The following CHN2 variants were observed in gnomAD, a reference collection of about 807,000 sequenced individuals.
CHN2 encodes the protein beta-chimaerin.
A neutral mutation model predicts 56.3 loss-of-function variants in CHN2; 35 were observed. The ratio of observed to expected loss-of-function variants is 0.62; its 90% confidence interval spans 0.47 to 0.82. The LOEUF is 0.82. Ranked by LOEUF, CHN2 falls within the 40% of genes least tolerant of loss-of-function variation. The pLI is 0.00. For synonymous variants in CHN2, 210 were observed against 212.8 expected, an observed-to-expected ratio of 0.99 and a Z score of 0.12; for missense variants, 491 against 580.5, an observed-to-expected ratio of 0.85 and a Z score of 1.58.
chr7:29,513,666 A>C lies in CHN2; in HGVS notation c.*931A>C, dbSNP rs111446136. On this transcript the variant is annotated 3_prime_UTR_variant, in exon 13 of 13. Transcript: ENST00000222792. ...CCCTCTGAATTCATCTGTTAATATC[A>C]AATTGTATTTTTGCCACATTTCTGT... 444 of 152,510 alleles carry C rather than the reference A, an allele frequency of 2.9e-3. 6 individuals carry two copies. Among genetic ancestry groups the C allele is most frequent in the African/African-American group, 0.01 (428 of 41,550 alleles). 9.4% of individuals were successfully genotyped at this position (152,510 alleles called of 1,614,324 possible). A position where few individuals can be genotyped will look rare whatever the true frequency, so the allele number is the denominator to read the frequency against.
At chr7:29,400,968 G>T in intron 6 of CHN2, 140 bp downstream of exon 6, 1 of 824,382 alleles carries the variant, frequency 1.2e-6, no homozygotes, top group East Asian at 2.7e-5. Context: ...AGGGCCAAAG[G>T]GACCTTAGAA....
At chr7:29,401,750 G>A (rs144933395) in intron 6 of CHN2, among the ~76,000 whole-genome samples, 7 of 152,308 alleles carry the variant, frequency 4.6e-5, no homozygotes, top group South Asian at 4.1e-4. Flanking sequence ...GTATGCAGGC[G>A]GGGGGTAGAT....
chr7:29,169,752 G>T (rs1189863193), intron 2 of CHN2, among the ~76,000 whole-genome samples: 3 of 151,934 alleles, frequency 2.0e-5, no homozygotes, highest in African/African-American at 7.3e-5. Context: ...ACCACTGTTT[G>T]CTCAGTCAGA....
intron 1 of CHN2, chr7:29,289,043 T>C (rs567218433): frequency 2.6e-5 from 4 of 152,292 alleles, no homozygotes; most frequent in Non-Finnish European, 4.4e-5. Flanking sequence ...ATCTGAGGCA[T>C]TGAATGAGGA....
chr7:29,221,653 C>T (rs1241903250), intron 1 of CHN2, among the ~76,000 whole-genome samples: 6 of 152,148 alleles, frequency 3.9e-5, no homozygotes, highest in Non-Finnish European at 7.4e-5. Flanking sequence ...TGTTGTTCCC[C>T]ACATATGGCA....
intron 1 of CHN2, among the ~76,000 whole-genome samples, chr7:29,323,435 G>T (rs185431468): frequency 1.3e-5 from 2 of 152,098 alleles, no homozygotes; most frequent in Non-Finnish European, 2.9e-5. Flanking sequence ...TGCTACCACA[G>T]CCTAAGATTA....
intron 1 of CHN2, among the ~76,000 whole-genome samples, chr7:29,308,201 T>C (rs994906375): frequency 6.6e-6 from 1 of 152,188 alleles, no homozygotes; most frequent in African/African-American, 2.4e-5. Context: ...CGCTGCACTC[T>C]CTCAGCTCCC....
intron 6 of CHN2, among the ~76,000 whole-genome samples, chr7:29,422,839 G>C (rs1443552046): frequency 1.3e-5 from 2 of 152,202 alleles, no homozygotes; most frequent in Non-Finnish European, 2.9e-5. Flanking sequence ...CCCATGGAAA[G>C]CTTTCAGTGC....
At chr7:29,441,767 TA>T (rs1423086031) in intron 6 of CHN2, among the ~76,000 whole-genome samples, 1 of 152,026 alleles carries the variant, frequency 6.6e-6, no homozygotes, top group Non-Finnish European at 1.5e-5. Flanking sequence ...AATTTTTTTT[TA>T]AAAAAAGGAA....
At chr7:29,330,228 T>C (rs1316997302) in intron 1 of CHN2, among the ~76,000 whole-genome samples, 2 of 152,220 alleles carry the variant, frequency 1.3e-5, no homozygotes, top group Non-Finnish European at 2.9e-5. Flanking sequence ...CCCAGTCTCT[T>C]TTGTAAAATA....
intron 6 of CHN2, among the ~76,000 whole-genome samples, chr7:29,404,655 G>A (rs1585281506): frequency 6.6e-6 from 1 of 152,078 alleles, no homozygotes; most frequent in African/African-American, 2.4e-5. Context: ...CTAGCAGTGT[G>A]GTGTGTGGAG....
At chr7:29,377,587 G>A (rs2128053262) in intron 3 of CHN2, among the ~76,000 whole-genome samples, 1 of 152,288 alleles carries the variant, frequency 6.6e-6, no homozygotes, top group South Asian at 2.1e-4. Flanking sequence ...TGCTTAATGA[G>A]CATTTCTCAA....
chr7:29,344,340 G>A (rs181071388), intron 1 of CHN2, among the ~76,000 whole-genome samples: 5 of 152,118 alleles, frequency 3.3e-5, no homozygotes, highest in Admixed American at 1.3e-4. Flanking sequence ...TATTATCCCC[G>A]CTTGCATTTT....
At chr7:29,233,935 G>A (rs1043910243) in intron 1 of CHN2, among the ~76,000 whole-genome samples, 1 of 137,084 alleles carries the variant, frequency 7.3e-6, no homozygotes, top group Non-Finnish European at 1.5e-5. Flanking sequence ...CCGGGTTCAC[G>A]CCATTCTCCT....
At chr7:29,278,010 T>C (rs370354011) in intron 1 of CHN2, among the ~76,000 whole-genome samples, 1 of 152,062 alleles carries the variant, frequency 6.6e-6, no homozygotes, top group African/African-American at 2.4e-5. Flanking sequence ...ATAGCGAGTA[T>C]GTGGTAGAGT....
At chr7:29,437,525 G>A (rs1183452782) in intron 6 of CHN2, among the ~76,000 whole-genome samples, 1 of 136,378 alleles carries the variant, frequency 7.3e-6, no homozygotes, top group Non-Finnish European at 1.6e-5. Context: ...ATGAACCTGG[G>A]AGGCGGAGCT....
intron 6 of CHN2, among the ~76,000 whole-genome samples, chr7:29,455,622 T>G (rs746210255): frequency 2.0e-5 from 3 of 152,182 alleles, no homozygotes; most frequent in Non-Finnish European, 4.4e-5. Flanking sequence ...AAGTATTATT[T>G]TTAAAAGGTC....
At chr7:29,241,928 G>C (rs886160778) in intron 1 of CHN2, among the ~76,000 whole-genome samples, 2 of 152,194 alleles carry the variant, frequency 1.3e-5, no homozygotes, top group African/African-American at 4.8e-5. Flanking sequence ...TAAGAAGAAA[G>C]TTTGATGTAA....
At chr7:29,271,017 A>C (rs191893036) in intron 1 of CHN2, among the ~76,000 whole-genome samples, 17 of 152,302 alleles carry the variant, frequency 1.1e-4, no homozygotes, top group Admixed American at 1.3e-4. Flanking sequence ...TATCTTGATA[A>C]TCTTTGTAAA....
Sources: gnomAD v4.1 joint callset for allele counts (sites outside exome capture counted in the v4.1 genomes callset) on GRCh38, gnomAD v4.1.1 for gene constraint, MANE v1.5 for transcripts, NCBI Gene and HGNC (gene_info 2026-07-23, HGNC 2026-07-21) for gene names.